The following IGSF11 variants were observed in gnomAD, a reference collection of about 807,000 sequenced individuals.
The protein encoded by IGSF11 is CXADR like 1.
Under a neutral mutation model 41.0 loss-of-function variants are expected in IGSF11, and 22 were observed. The observed-to-expected ratio is 0.54, with a 90% confidence interval of 0.38 to 0.77. IGSF11 has a LOEUF of 0.77. Ranked by LOEUF, IGSF11 falls within the 30% of genes least tolerant of loss-of-function variation. IGSF11 has a pLI of 0.00. For missense variants in IGSF11, 444 were observed against 530.8 expected (o/e 0.84, Z 1.61); for synonymous variants, 219 against 201.3 (o/e 1.09, Z -0.74).
At chr3:118,992,441 CAA>C (rs1331399914) in intron 1 of IGSF11, among the ~76,000 whole-genome samples, 1 of 152,200 alleles carries the variant, frequency 6.6e-6, no homozygotes, top group African/African-American at 2.4e-5. Context: ...GCAAAAAGTG[CAA>C]AGTCTGTTTA....
chr3:119,110,145 T>G (rs1051739354), upstream of IGSF11, among the ~76,000 whole-genome samples: 50 of 152,276 alleles, frequency 3.3e-4, no homozygotes, highest in Non-Finnish European at 5.4e-4. Flanking sequence ...TGGGTATCCT[T>G]GTCAACTTTC....
At chr3:118,960,672 T>C (rs1305756806) in intron 1 of IGSF11, among the ~76,000 whole-genome samples, 2 of 152,236 alleles carry the variant, frequency 1.3e-5, no homozygotes, top group African/African-American at 4.8e-5. Flanking sequence ...TACTCAGAGA[T>C]GAAGACTGTT....
At chr3:118,953,382 A>G (rs1284882814) in intron 1 of IGSF11, among the ~76,000 whole-genome samples, 1 of 152,174 alleles carries the variant, frequency 6.6e-6, no homozygotes, top group Non-Finnish European at 1.5e-5. Context: ...CTTTTTGTAT[A>G]ATGACTTCTT....
intron 1 of IGSF11, among the ~76,000 whole-genome samples, chr3:119,142,309 A>C (rs2077660875): frequency 1.3e-5 from 2 of 148,996 alleles, no homozygotes; most frequent in African/African-American, 4.9e-5. Flanking sequence ...GTCTGCATGT[A>C]TTGGACATCC....
chr3:119,132,593 A>C (rs1225080394), intron 1 of IGSF11, among the ~76,000 whole-genome samples: 2 of 152,056 alleles, frequency 1.3e-5, no homozygotes, highest in Non-Finnish European at 2.9e-5. Context: ...GAGACCTATA[A>C]AAGACTTAGA....
chr3:119,033,189 C>A (rs1940583370), intron 1 of IGSF11, among the ~76,000 whole-genome samples: 1 of 152,136 alleles, frequency 6.6e-6, no homozygotes, highest in South Asian at 2.1e-4. Context: ...TTATAATATA[C>A]AACTTTAATA....
chr3:119,038,916 G>C (rs1327882857), upstream of IGSF11, among the ~76,000 whole-genome samples: 1 of 152,144 alleles, frequency 6.6e-6, no homozygotes, highest in Non-Finnish European at 1.5e-5. Flanking sequence ...AAAAATGTGA[G>C]ATTATATATT....
chr3:118,946,229 CAT>C (rs573595683), intron 1 of IGSF11, among the ~76,000 whole-genome samples: 3 of 147,798 alleles, frequency 2.0e-5, no homozygotes, highest in Admixed American at 6.7e-5. Flanking sequence ...CACACACAAA[CAT>C]ATATATATAT....
intron 1 of IGSF11, among the ~76,000 whole-genome samples, chr3:119,095,843 C>A (rs2076840791): frequency 6.6e-6 from 1 of 152,116 alleles, no homozygotes; most frequent in Non-Finnish European, 1.5e-5. Context: ...CAAACCCAAC[C>A]CTGAGAATGG....
intron 1 of IGSF11, among the ~76,000 whole-genome samples, chr3:119,134,414 C>T (rs1029035184): frequency 6.6e-6 from 1 of 152,086 alleles, no homozygotes; most frequent in African/African-American, 2.4e-5. Context: ...TTCTTATACA[C>T]CAATAACAGA....
chr3:119,134,607 A>T (rs2077532431), intron 1 of IGSF11, among the ~76,000 whole-genome samples: 1 of 152,242 alleles, frequency 6.6e-6, no homozygotes, highest in Non-Finnish European at 1.5e-5. Context: ...CACAGATAGG[A>T]AGAATCAACA....
At chr3:118,922,423 GTGT>G (rs1176508515) in intron 4 of IGSF11, among the ~76,000 whole-genome samples, 1 of 152,040 alleles carries the variant, frequency 6.6e-6, no homozygotes, top group East Asian at 1.9e-4. Context: ...GTGTGTGTGT[GTGT>G]GTGGCTGGGA....
intron 1 of IGSF11, among the ~76,000 whole-genome samples, chr3:118,942,190 A>C (rs1211169950): frequency 6.6e-6 from 1 of 152,242 alleles, no homozygotes; most frequent in Non-Finnish European, 1.5e-5. Flanking sequence ...AGCTCACAGA[A>C]TCATGGAAAT....
Position 119,087,109 on chromosome 3 carries a change from A to G in IGSF11, c.49+18035T>C, listed in dbSNP as rs540946472. On this transcript the variant is annotated intron_variant, in intron 1 of 6. Transcript: ENST00000354673. ...AAAGAGCAGGAGTTGCTATTCTTATATCAGATAAAACAGACTTTAAAGCAA... is the reference window on the plus strand; with the variant it reads ...AAAGAGCAGGAGTTGCTATTCTTATGTCAGATAAAACAGACTTTAAAGCAA... Among the ~76,000 whole-genome samples, 6 of 152,302 alleles carry G rather than the reference A, an allele frequency of 3.9e-5. No individual in the cohort carries two copies. In the East Asian group the frequency reaches 1.2e-3, roughly 29 times the overall value.
At chr3:119,052,411 A>T (rs1941662200) in intron 1 of IGSF11, among the ~76,000 whole-genome samples, 1 of 145,284 alleles carries the variant, frequency 6.9e-6, no homozygotes, top group South Asian at 2.4e-4. Context: ...GTCACAAAAG[A>T]TAGAAAGGAA....
At chr3:119,097,893 C>T (rs1469908135) in intron 1 of IGSF11, among the ~76,000 whole-genome samples, 4 of 151,044 alleles carry the variant, frequency 2.6e-5, no homozygotes, top group East Asian at 1.9e-4. Flanking sequence ...CAGGTTCAAG[C>T]GATCCTCCCA....
Position 119,054,955 on chromosome 3 carries a change from G to A in IGSF11, c.49+50189C>T, listed in dbSNP as rs573684809. Reference sequence around the variant, plus strand: ...GTACGGGCGGACTGACACCTCACACGGCCAGGTACTCCTCTGAGACAAAAC... The same window carrying A: ...GTACGGGCGGACTGACACCTCACACAGCCAGGTACTCCTCTGAGACAAAAC... On this transcript the variant is annotated intron_variant, in intron 1 of 6. Transcript: ENST00000354673. 7.9e-5 allele frequency among the ~76,000 whole-genome samples: 12 copies of A among 152,162 alleles called. No individual in the cohort carries two copies. The South Asian group carries it at 1.5e-3, about 18-fold the overall frequency.
At chr3:119,141,671 T>C (rs953422322) in intron 1 of IGSF11, among the ~76,000 whole-genome samples, 1 of 149,298 alleles carries the variant, frequency 6.7e-6, no homozygotes, top group African/African-American at 2.4e-5. Context: ...TCTATATATC[T>C]AATATAGATA....
intron 4 of IGSF11, among the ~76,000 whole-genome samples, chr3:118,908,746 G>GA (rs1226555316): frequency 1.3e-5 from 2 of 152,096 alleles, no homozygotes; most frequent in Non-Finnish European, 2.9e-5. Context: ...TTCTGAATTA[G>GA]AAAAAAACAA....
Sources: allele counts gnomAD v4.1 joint callset (sites outside exome capture counted in the v4.1 genomes callset), GRCh38; gene constraint gnomAD v4.1.1; transcripts MANE v1.5; gene names NCBI Gene and HGNC (gene_info 2026-07-23, HGNC 2026-07-21).